The following PALLD variants were observed in gnomAD, a reference collection of about 807,000 sequenced individuals.
PALLD encodes palladin, cytoskeletal associated protein, also known as palladin.
A neutral mutation model predicts 123.5 loss-of-function variants in PALLD; 61 were observed. The observed-to-expected ratio is 0.49, with a 90% CI of 0.40 to 0.61. PALLD has a LOEUF of 0.61. Ranked by LOEUF, PALLD falls within the 20% of genes least tolerant of loss-of-function variation. The pLI is 0.00. For synonymous variants in PALLD, 465 were observed against 496.4 expected (o/e 0.94, Z 0.84); for missense variants, 1,273 against 1,377.0 (o/e 0.92, Z 1.20).
At chr4:168,548,354 A>G (rs1411073898) in intron 2 of PALLD, among the ~76,000 whole-genome samples, 1 of 152,030 alleles carries the variant, frequency 6.6e-6, no homozygotes, top group Non-Finnish European at 1.5e-5. Flanking sequence ...GGAAAAAAAA[A>G]AAAACAGGGA....
At chr4:168,864,433 T>C (rs2133912) in intron 10 of PALLD, 91,001 of 152,122 alleles carry the variant, frequency 0.6, 29,690 homozygotes, top group East Asian at 0.89. Flanking sequence ...TGGGCTCTGT[T>C]GGTGGCCTCC....
intron 1 of PALLD, among the ~76,000 whole-genome samples, chr4:168,497,657 T>A (rs1241077589): frequency 6.6e-6 from 1 of 152,222 alleles, no homozygotes; most frequent in Non-Finnish European, 1.5e-5. Context: ...AATTACACTT[T>A]CAAAAGATTC....
intron 2 of PALLD, among the ~76,000 whole-genome samples, chr4:168,598,964 A>G (rs1452236259): frequency 6.6e-6 from 1 of 152,166 alleles, no homozygotes; most frequent in East Asian, 1.9e-4. Context: ...GACCAAAAAC[A>G]TATTCTTCCT....
intron 2 of PALLD, among the ~76,000 whole-genome samples, chr4:168,588,054 C>T (rs1038634670): frequency 3.3e-5 from 5 of 151,954 alleles, no homozygotes; most frequent in Non-Finnish European, 5.9e-5. Context: ...TGCTAACTGG[C>T]GCTCTTGGAT....
chr4:168,860,142 G>T (rs1749235797), intron 10 of PALLD, among the ~76,000 whole-genome samples: 1 of 152,178 alleles, frequency 6.6e-6, no homozygotes, highest in African/African-American at 2.4e-5. Context: ...CTGCAGAATT[G>T]ATGATAATTA....
At chr4:168,731,887 T>C (rs1020581452) in intron 10 of PALLD, among the ~76,000 whole-genome samples, 3 of 152,158 alleles carry the variant, frequency 2.0e-5, no homozygotes, top group Non-Finnish European at 2.9e-5. Flanking sequence ...CTACAAAAGA[T>C]TGATAAACAA....
intron 10 of PALLD, among the ~76,000 whole-genome samples, chr4:168,833,470 C>T (rs532944955): frequency 6.6e-6 from 1 of 152,142 alleles, no homozygotes; most frequent in Admixed American, 6.5e-5. Context: ...GAAACTAGCA[C>T]GAGAAAAGGA....
intron 10 of PALLD, among the ~76,000 whole-genome samples, chr4:168,825,297 C>T (rs774317911): frequency 3.0e-4 from 46 of 152,082 alleles, no homozygotes; most frequent in Admixed American, 1.1e-3. Flanking sequence ...CATTCCATTT[C>T]CATATTGGAG....
intron 2 of PALLD, among the ~76,000 whole-genome samples, chr4:168,536,223 A>G (rs1765074234): frequency 6.6e-6 from 1 of 152,178 alleles, no homozygotes; most frequent in African/African-American, 2.4e-5. Context: ...CTTTAACCCA[A>G]ATAGATTCCT....
chr4:168,540,759 C>T (rs1324470090), intron 2 of PALLD, among the ~76,000 whole-genome samples: 1 of 151,626 alleles, frequency 6.6e-6, no homozygotes, highest in African/African-American at 2.4e-5. Flanking sequence ...AAAGCAAAGG[C>T]ACTCCAAGCC....
intron 2 of PALLD, among the ~76,000 whole-genome samples, chr4:168,535,869 G>A (rs1765041286): frequency 1.3e-5 from 2 of 152,162 alleles, no homozygotes; most frequent in African/African-American, 4.8e-5. Flanking sequence ...ACACAATCCA[G>A]GCTCGTATTC....
chr4:168,802,565 A>G (rs1447793848), intron 10 of PALLD, among the ~76,000 whole-genome samples: 1 of 152,248 alleles, frequency 6.6e-6, no homozygotes, highest in Non-Finnish European at 1.5e-5. Flanking sequence ...TAGACACTGC[A>G]GACGACTAGA....
intron 2 of PALLD, among the ~76,000 whole-genome samples, chr4:168,594,216 G>T (rs995832592): frequency 6.6e-6 from 1 of 152,180 alleles, no homozygotes. Flanking sequence ...GATGGTTAAC[G>T]ATAGTGTAAG....
intron 2 of PALLD, among the ~76,000 whole-genome samples, chr4:168,563,763 T>G (rs1411985039): frequency 1.1e-4 from 17 of 152,222 alleles, no homozygotes; most frequent in Admixed American, 1.1e-3. Flanking sequence ...CTCCATTATA[T>G]AAATCTCTTT....
intron 2 of PALLD, among the ~76,000 whole-genome samples, chr4:168,514,036 G>A (rs936206216): frequency 6.6e-6 from 1 of 152,006 alleles, no homozygotes; most frequent in Admixed American, 6.6e-5. Flanking sequence ...AACCTGGGAG[G>A]CAGAGGTTGC....
intron 10 of PALLD, among the ~76,000 whole-genome samples, chr4:168,789,165 A>G (rs1434391170): frequency 6.6e-6 from 1 of 152,096 alleles, no homozygotes; most frequent in South Asian, 2.1e-4. Context: ...CATTTTTGAC[A>G]CTCTCATTCA....
intron 2 of PALLD, among the ~76,000 whole-genome samples, chr4:168,588,505 G>A (rs1379059112): frequency 6.6e-6 from 1 of 152,012 alleles, no homozygotes; most frequent in Non-Finnish European, 1.5e-5. Flanking sequence ...GGGTTCAAGC[G>A]ATTCTCATGC....
chr4:168,800,275 C>T (rs1199710719), intron 10 of PALLD, among the ~76,000 whole-genome samples: 2 of 152,036 alleles, frequency 1.3e-5, no homozygotes, highest in African/African-American at 2.4e-5. Flanking sequence ...TAAAAAAATT[C>T]TGATCATTAA....
At chr4:168,628,992 G>A (rs79351463) in intron 2 of PALLD, among the ~76,000 whole-genome samples, 2,116 of 150,500 alleles carry the variant, frequency 0.014, 63 homozygotes, top group African/African-American at 0.048. Context: ...GTAAGACGAA[G>A]CCCAGTTATT....
Sources: gnomAD v4.1 joint callset for allele counts (sites outside exome capture counted in the v4.1 genomes callset) on GRCh38, gnomAD v4.1.1 for gene constraint, MANE v1.5 for transcripts, NCBI Gene and HGNC (gene_info 2026-07-23, HGNC 2026-07-21) for gene names.